The following NFYC variants were observed in gnomAD, a reference collection of about 807,000 sequenced individuals.
The protein encoded by NFYC is CAAT box DNA-binding protein subunit C.
A neutral mutation model predicts 53.1 loss-of-function variants in NFYC; 25 were observed. The ratio of observed to expected loss-of-function variants is 0.47; its 90% CI spans 0.34 to 0.66. The LOEUF (loss-of-function observed/expected upper bound fraction) is 0.66. Among genes scored for constraint, NFYC ranks in the 30% least tolerant of loss-of-function variants. The pLI, the probability that NFYC is intolerant of heterozygous loss-of-function variation, is 0.01. For synonymous variants in NFYC, 145 were observed against 152.6 expected (o/e 0.95, Z 0.37); for missense variants, 260 against 422.7 (o/e 0.62, Z 3.38).
At chr1:40,759,715 G>T (rs1646440798) in intron 6 of NFYC, among the ~76,000 whole-genome samples, 3 of 152,056 alleles carry the variant, frequency 2.0e-5, no homozygotes, top group Non-Finnish European at 4.4e-5. Flanking sequence ...GAGTCTTGGG[G>T]AACAGTGGAA....
chr1:40,701,246 G>A (rs1243339730), intron 1 of NFYC, among the ~76,000 whole-genome samples: 1 of 152,104 alleles, frequency 6.6e-6, no homozygotes, highest in African/African-American at 2.4e-5. Flanking sequence ...CTCCTGAGTA[G>A]CTGGGATTAC....
intron 7 of NFYC, 69 bp from the exon 8 acceptor site, chr1:40,766,527 A>G (rs901287270): frequency 2.3e-5 from 27 of 1,184,024 alleles, no homozygotes; most frequent in Non-Finnish European, 3.1e-5. Flanking sequence ...ATCTCTGGTC[A>G]TGGAAAGTTT....
chr1:40,726,520 C>T (rs139533696), intron 1 of NFYC, among the ~76,000 whole-genome samples: 245 of 152,216 alleles, frequency 1.6e-3, no homozygotes, highest in African/African-American at 5.8e-3. Flanking sequence ...AGCCATCCTC[C>T]TACTTCAGCC....
chr1:40,765,202 C>A (rs1646751603), intron 7 of NFYC, among the ~76,000 whole-genome samples: 2 of 152,194 alleles, frequency 1.3e-5, no homozygotes, highest in South Asian at 4.1e-4. Context: ...GGCTTGGCAC[C>A]ACAGCCTCCC....
intron 1 of NFYC, among the ~76,000 whole-genome samples, chr1:40,731,200 G>A (rs1251413082): frequency 6.6e-6 from 1 of 151,530 alleles, no homozygotes; most frequent in African/African-American, 2.4e-5. Context: ...TTTTTGGGAC[G>A]GAGTCTTGCT....
chr1:40,757,531 A>G (rs918897803), intron 5 of NFYC, among the ~76,000 whole-genome samples: 2 of 152,192 alleles, frequency 1.3e-5, no homozygotes, highest in Non-Finnish European at 2.9e-5. Context: ...GTGACACTGG[A>G]TAGACATGCC....
intron 5 of NFYC, 126 bp from the exon 6 acceptor site, chr1:40,757,995 A>T: frequency 2.0e-6 from 2 of 1,011,450 alleles, no homozygotes. Flanking sequence ...TTTGGCTTCA[A>T]ATGTGGAGAG....
At chr1:40,746,578 A>G (rs1222253952) in intron 2 of NFYC, among the ~76,000 whole-genome samples, 1 of 152,330 alleles carries the variant, frequency 6.6e-6, no homozygotes, top group East Asian at 1.9e-4. Context: ...GACCACTTAT[A>G]GAATCAATCA....
intron 8 of NFYC, chr1:40,767,034 T>C: frequency 2.0e-6 from 3 of 1,507,500 alleles, no homozygotes; most frequent in Non-Finnish European, 2.7e-6. Flanking sequence ...TCAGGCTGTT[T>C]CCATCTTTAA....
intron 1 of NFYC, among the ~76,000 whole-genome samples, chr1:40,695,992 G>T (rs1342567900): frequency 6.6e-6 from 1 of 151,398 alleles, no homozygotes; most frequent in Non-Finnish European, 1.5e-5. Flanking sequence ...GTAAGTAGCA[G>T]AGCCCAGATT....
At chr1:40,696,550 A>G (rs1274284595) in intron 1 of NFYC, among the ~76,000 whole-genome samples, 1 of 152,198 alleles carries the variant, frequency 6.6e-6, no homozygotes, top group Non-Finnish European at 1.5e-5. Flanking sequence ...TGCCCAGATC[A>G]CTGGATTTCC....
rs545866931 is a variant in NFYC, at chr1:40,732,730, T to C, written c.-8-6106T>C. Among the ~76,000 whole-genome samples, 3 of 152,314 alleles carry C rather than the reference T, an allele frequency of 2.0e-5. No individual in the cohort carries two copies. The East Asian group carries it at 5.8e-4, about 29-fold the overall frequency. On this transcript the variant is annotated intron_variant, in intron 1 of 9. Transcript: ENST00000447388. ...TGAAGAGGTTCTGACTTTGAAAAGA[T>C]TTACACTTGAGAATGGTATGCATCC...
chr1:40,706,447 G>A (rs1357872055), intron 1 of NFYC, among the ~76,000 whole-genome samples: 3 of 152,012 alleles, frequency 2.0e-5, no homozygotes, highest in Non-Finnish European at 4.4e-5. Context: ...TCCTATTTCG[G>A]GTCCCTGCTG....
At chr1:40,715,293 GGCACAAGAA>G (rs1245904350) in intron 1 of NFYC, among the ~76,000 whole-genome samples, 4 of 151,654 alleles carry the variant, frequency 2.6e-5, no homozygotes, top group Non-Finnish European at 5.9e-5. Context: ...AGGAGGCTGA[GGCACAAGAA>G]TTGCTTGAAC....
Position 40,770,597 on chromosome 1 carries a change from G to C in NFYC, c.889-112G>C, listed in dbSNP as rs774650084. 1.8e-5 allele frequency: 29 copies of C among 1,613,296 alleles called. No individual in the cohort carries two copies. Among genetic ancestry groups the C allele is most frequent in the Non-Finnish European group, 2.0e-5 (24 of 1,179,732 alleles). On this transcript the variant is annotated intron_variant, in intron 9 of 9. Coordinates refer to ENST00000447388, the MANE Select transcript of NFYC (RefSeq NM_014223.5). This position sits in a 1 kb window ranked among gnomAD's most constrained non-coding sequence, Gnocchi z 5.3. The stretch of plus-strand genomic sequence containing the variant: ...CTTCCCCTCCTCCTTCTGACGCCTT[G>C]CAGTGGGTGGTGGTTGAGGTATCTG...
At chr1:40,764,949 T>C (rs1646739330) in intron 7 of NFYC, among the ~76,000 whole-genome samples, 1 of 152,164 alleles carries the variant, frequency 6.6e-6, no homozygotes, top group South Asian at 2.1e-4. Context: ...TGCAAAGAGC[T>C]CTTCCCAGCT....
At chr1:40,712,425 G>C (rs1643959250) in intron 1 of NFYC, 1 of 152,110 alleles carries the variant, frequency 6.6e-6, no homozygotes, top group African/African-American at 2.4e-5. Flanking sequence ...AATAAAATCT[G>C]GAAGCCTGTT....
intron 1 of NFYC, among the ~76,000 whole-genome samples, chr1:40,713,187 C>G (rs1479293951): frequency 6.6e-6 from 1 of 152,172 alleles, no homozygotes; most frequent in East Asian, 1.9e-4. Context: ...TTTAGGACTT[C>G]CTTTTTTCCC....
intron 5 of NFYC, chr1:40,757,290 C>T (rs1225423379): frequency 1.9e-6 from 1 of 532,974 alleles, no homozygotes; most frequent in African/African-American, 1.9e-5. Flanking sequence ...TATAACCATG[C>T]TGTAGTGTGT....
Sources: allele counts gnomAD v4.1 joint callset (sites outside exome capture counted in the v4.1 genomes callset), GRCh38; gene constraint gnomAD v4.1.1; non-coding constraint Gnocchi (gnomAD v3.1); transcripts MANE v1.5; gene names NCBI Gene and HGNC (gene_info 2026-07-23, HGNC 2026-07-21).